PACRG: variants seen among roughly 807,000 people sequenced by gnomAD.
The protein encoded by PACRG is parkin coregulated, also known as parkin coregulated gene protein.
A neutral mutation model predicts 29.7 loss-of-function variants in PACRG; 29 were observed. That is an observed-to-expected ratio of 0.98 (90% CI 0.73 to 1.33). The LOEUF is 1.33. Ranked by LOEUF, PACRG falls within the 40% of genes most tolerant of loss-of-function variation. PACRG has a pLI of 0.00. For missense variants in PACRG, 279 were observed against 316.2 expected (o/e 0.88, Z 0.89); for synonymous variants, 116 against 118.7 (o/e 0.98, Z 0.15).
At chr6:162,974,956 C>G (rs976090481) in intron 2 of PACRG, among the ~76,000 whole-genome samples, 24 of 152,220 alleles carry the variant, frequency 1.6e-4, no homozygotes, top group African/African-American at 5.1e-4. Flanking sequence ...TTGACTCTTA[C>G]AGCAGTGAGC....
chr6:163,264,564 G>A lies in PACRG; in HGVS notation c.614-50263G>A, dbSNP rs552731334. Among the ~76,000 whole-genome samples the A allele has an allele frequency of 6.0e-4, 91 of 152,322 alleles. 2 individuals are homozygous for A. In the South Asian group the frequency reaches 0.011, roughly 19 times the overall value. On this transcript the variant is annotated intron_variant, in intron 4 of 4. Transcript: ENST00000366888. Reference sequence around the variant, plus strand: ...GTCACAGGTGTGGTTGAGAAGAGCCGCCCAGAAACAAGATCTGGGCTGGGC... The same window carrying A: ...GTCACAGGTGTGGTTGAGAAGAGCCACCCAGAAACAAGATCTGGGCTGGGC...
chr6:163,227,602 G>A (rs773185918), intron 4 of PACRG, among the ~76,000 whole-genome samples: 1 of 152,168 alleles, frequency 6.6e-6, no homozygotes, highest in African/African-American at 2.4e-5. Context: ...CCTACCCATC[G>A]TTACAGGACT....
intron 4 of PACRG, among the ~76,000 whole-genome samples, chr6:163,307,282 T>C (rs962561320): frequency 6.6e-6 from 1 of 152,178 alleles, no homozygotes; most frequent in African/African-American, 2.4e-5. Context: ...CTTAGTAACC[T>C]AGTGCTTTAG....
intron 3 of PACRG, among the ~76,000 whole-genome samples, chr6:163,084,195 A>G (rs1813329867): frequency 6.6e-6 from 1 of 152,168 alleles, no homozygotes; most frequent in South Asian, 2.1e-4. Flanking sequence ...CTTGAGTTCA[A>G]AGTCCTCACT....
chr6:162,909,547 T>C (rs1584730550), intron 2 of PACRG, among the ~76,000 whole-genome samples: 1 of 109,088 alleles, frequency 9.2e-6, no homozygotes, highest in Non-Finnish European at 1.6e-5. Flanking sequence ...AGAGCGAGAC[T>C]CCATCTCAAA....
chr6:163,002,128 T>G (rs1017962265), intron 2 of PACRG, among the ~76,000 whole-genome samples: 2 of 152,204 alleles, frequency 1.3e-5, no homozygotes, highest in Non-Finnish European at 2.9e-5. Flanking sequence ...CACATTTCTT[T>G]GGAGGTAAGA....
At chr6:163,166,526 C>CA (rs765630475) in intron 4 of PACRG, among the ~76,000 whole-genome samples, 3 of 152,202 alleles carry the variant, frequency 2.0e-5, no homozygotes, top group Non-Finnish European at 4.4e-5. Flanking sequence ...ACGTGCTCAA[C>CA]AAAAGATTTG....
intron 2 of PACRG, among the ~76,000 whole-genome samples, chr6:162,920,294 T>C (rs2128092437): frequency 6.6e-6 from 1 of 152,308 alleles, no homozygotes; most frequent in South Asian, 2.1e-4. Context: ...GCCTGAATGC[T>C]TTTGTCTGAC....
At chr6:163,005,184 C>T (rs1371883354) in intron 2 of PACRG, among the ~76,000 whole-genome samples, 1 of 151,956 alleles carries the variant, frequency 6.6e-6, no homozygotes, top group African/African-American at 2.4e-5. Flanking sequence ...TTTGTGTCTT[C>T]TCTCTTTTTT....
chr6:163,283,743 G>A (rs941880785), intron 4 of PACRG, among the ~76,000 whole-genome samples: 2 of 150,350 alleles, frequency 1.3e-5, no homozygotes, highest in African/African-American at 2.5e-5. Flanking sequence ...GGAGCTTGCA[G>A]TGAGCCGAGA....
intron 4 of PACRG, among the ~76,000 whole-genome samples, chr6:163,184,378 A>G (rs1294531467): frequency 6.6e-6 from 1 of 152,224 alleles, no homozygotes; most frequent in Non-Finnish European, 1.5e-5. Context: ...TATACTGTCC[A>G]TACTAGCTCA....
At chr6:163,002,187 A>G (rs1167807637) in intron 2 of PACRG, among the ~76,000 whole-genome samples, 5 of 152,222 alleles carry the variant, frequency 3.3e-5, no homozygotes, top group Non-Finnish European at 7.3e-5. Context: ...TCTATATAAC[A>G]CATTCTAGGC....
In PACRG at chr6:162,737,062, G is replaced by A. The variant is rs573911373; in HGVS notation, c.156+8671G>A. On this transcript the variant is annotated intron_variant, in intron 1 of 4. Coordinates refer to ENST00000366888, the MANE Select transcript of PACRG (RefSeq NM_001080379.2). ...TTGAAATACAATTTCTGAAGTAGAT[G>A]TACTGGGTCAGAGAGCTTATCAATC... Among the ~76,000 whole-genome samples, 243 of 152,298 alleles carry A rather than the reference G, an allele frequency of 1.6e-3. 1 individual carries two copies. The highest frequency in any genetic ancestry group is 3.4e-3 in the Middle Eastern group (1 of 294).
chr6:162,847,659 G>A (rs781504587), intron 2 of PACRG, among the ~76,000 whole-genome samples: 1 of 151,762 alleles, frequency 6.6e-6, no homozygotes, highest in African/African-American at 2.4e-5. Flanking sequence ...AGCATCACCC[G>A]AGGTGAACAC....
At chr6:162,892,820 A>G (rs1794863663) in intron 2 of PACRG, among the ~76,000 whole-genome samples, 1 of 152,072 alleles carries the variant, frequency 6.6e-6, no homozygotes, top group Non-Finnish European at 1.5e-5. Flanking sequence ...GTAAAGCTCC[A>G]GCCACTGACA....
chr6:163,277,715 T>C (rs1223164729), intron 4 of PACRG, among the ~76,000 whole-genome samples: 2 of 151,074 alleles, frequency 1.3e-5, no homozygotes, highest in Non-Finnish European at 1.5e-5. Flanking sequence ...ATATATCACA[T>C]TTTCTTTATC....
intron 3 of PACRG, among the ~76,000 whole-genome samples, chr6:163,065,849 G>T (rs1037878996): frequency 6.6e-6 from 1 of 152,172 alleles, no homozygotes; most frequent in Middle Eastern, 3.2e-3. Context: ...ATAATCAACT[G>T]CACAAGATCA....
rs904571694 is a variant in PACRG at position 162,853,072 on chromosome 6, G to C, written c.291+38791G>C. Among the ~76,000 whole-genome samples, 2 of 152,214 alleles carry C rather than the reference G, an allele frequency of 1.3e-5. No homozygotes were observed. Reference sequence around the variant, plus strand: ...GAACTGTCAGGTTTGGGATGGATGAGAGATTTCCTTCTTTTGTAAAGCGGC... The same window carrying C: ...GAACTGTCAGGTTTGGGATGGATGACAGATTTCCTTCTTTTGTAAAGCGGC... On this transcript the variant is annotated intron_variant, in intron 2 of 4. Coordinates refer to ENST00000366888, the MANE Select transcript of PACRG (RefSeq NM_001080379.2). This position sits in a 1 kb window ranked among gnomAD's most constrained non-coding sequence, Gnocchi z 4.7.
At chr6:163,056,516 CA>C (rs1247534778) in intron 2 of PACRG, among the ~76,000 whole-genome samples, 1 of 152,124 alleles carries the variant, frequency 6.6e-6, no homozygotes, top group Non-Finnish European at 1.5e-5. Flanking sequence ...AAACTTTTAA[CA>C]GGGACTTATA....
Sources: gnomAD v4.1 joint callset for allele counts (sites outside exome capture counted in the v4.1 genomes callset) on GRCh38, gnomAD v4.1.1 for gene constraint, Gnocchi (gnomAD v3.1) non-coding constraint, MANE v1.5 for transcripts, NCBI Gene and HGNC (gene_info 2026-07-23, HGNC 2026-07-21) for gene names.